MED13L: variants seen among roughly 807,000 people sequenced by gnomAD.
MED13L encodes mediator complex subunit 13L, also known as mediator of RNA polymerase II transcription subunit 13-like.
A neutral mutation model predicts 220.9 loss-of-function variants in MED13L; 7 were observed. The observed-to-expected ratio is 0.03, with a 90% CI of 0.02 to 0.06. The LOEUF (loss-of-function observed/expected upper bound fraction) is 0.06. Ranked by LOEUF, MED13L falls within the 10% of genes least tolerant of loss-of-function variation. The pLI, the probability that MED13L is intolerant of heterozygous loss-of-function variation, is 1.00. For missense variants in MED13L, 1,965 were observed against 2,760.5 expected, an observed-to-expected ratio of 0.71 and a Z score of 6.46; for synonymous variants, 1,011 against 1,015.2, an observed-to-expected ratio of 1.00 and a Z score of 0.08.
chr12:116,213,757 A>AT (rs1291092789), intron 2 of MED13L, among the ~76,000 whole-genome samples: 1 of 152,172 alleles, frequency 6.6e-6, no homozygotes, highest in East Asian at 1.9e-4. Flanking sequence ...ATTATCCCAA[A>AT]TTCCTATCTG....
intron 1 of MED13L, among the ~76,000 whole-genome samples, chr12:116,249,585 A>G (rs1175307668): frequency 6.6e-6 from 1 of 152,120 alleles, no homozygotes; most frequent in African/African-American, 2.4e-5. Flanking sequence ...AGCAGCTATT[A>G]TAAATATGGT....
At chr12:116,184,228 T>C (rs958629845) in intron 2 of MED13L, among the ~76,000 whole-genome samples, 6 of 152,220 alleles carry the variant, frequency 3.9e-5, no homozygotes, top group African/African-American at 1.4e-4. Flanking sequence ...CCTTAAACTT[T>C]AGGATAGTTA....
chr12:116,040,584 T>C (rs1881463854), intron 4 of MED13L, among the ~76,000 whole-genome samples: 1 of 152,016 alleles, frequency 6.6e-6, no homozygotes, highest in Non-Finnish European at 1.5e-5. Context: ...AATAAAAGAT[T>C]CCATCAGATC....
At chr12:116,186,823 T>C (rs569494713) in intron 2 of MED13L, among the ~76,000 whole-genome samples, 1 of 152,346 alleles carries the variant, frequency 6.6e-6, no homozygotes, top group Non-Finnish European at 1.5e-5. Context: ...TAATTTCCTC[T>C]AGTTCTAAAA....
At chr12:116,256,149 G>C (rs780746355) in intron 1 of MED13L, among the ~76,000 whole-genome samples, 2 of 151,884 alleles carry the variant, frequency 1.3e-5, no homozygotes, top group Non-Finnish European at 2.9e-5. Context: ...TTTATTTTTT[G>C]CAAGTTTGGC....
At chr12:116,068,958 A>C (rs1253605802) in intron 4 of MED13L, among the ~76,000 whole-genome samples, 1 of 152,120 alleles carries the variant, frequency 6.6e-6, no homozygotes, top group African/African-American at 2.4e-5. Flanking sequence ...CGTAGTCAAG[A>C]GAATGCAGCA....
intron 3 of MED13L, among the ~76,000 whole-genome samples, chr12:116,110,637 A>G (rs1009674737): frequency 1.3e-5 from 2 of 152,226 alleles, no homozygotes; most frequent in Non-Finnish European, 2.9e-5. Context: ...ATTGACAAAG[A>G]TAACAGTTAA....
intron 2 of MED13L, among the ~76,000 whole-genome samples, chr12:116,123,567 C>T (rs975909064): frequency 1.1e-4 from 17 of 152,248 alleles, no homozygotes; most frequent in South Asian, 2.1e-4. Context: ...AAAAAACACA[C>T]GCACATGCAC....
chr12:116,153,191 G>C (rs1359625390), intron 2 of MED13L, among the ~76,000 whole-genome samples: 2 of 152,168 alleles, frequency 1.3e-5, no homozygotes, highest in Non-Finnish European at 2.9e-5. Context: ...CCACATTAGT[G>C]CTGGAAGGTG....
chr12:115,997,022 G>A lies in MED13L; in HGVS notation c.2778C>T (p.Pro926=), dbSNP rs144357346. ...EVEDGLGSPK[P]EEIKDFSYVH... ...TATTGACAACTACCTTAATTTCCTCGGGCTTGGGACTTCCTAATCCATCTT... is the reference window on the plus strand; with the variant it reads ...TATTGACAACTACCTTAATTTCCTCAGGCTTGGGACTTCCTAATCCATCTT... Residue 926 remains proline (P), a synonymous_variant, in exon 15 of 31, where the codon CCC becomes CCT. Transcript: ENST00000281928. 6.3e-5 allele frequency: 101 copies of A among 1,613,450 alleles called. No homozygotes were observed. The highest frequency in any genetic ancestry group is 1.8e-4 in the South Asian group (16 of 91,068).
At chr12:116,145,597 G>C (rs1877421495) in intron 2 of MED13L, among the ~76,000 whole-genome samples, 1 of 152,070 alleles carries the variant, frequency 6.6e-6, no homozygotes, top group Non-Finnish European at 1.5e-5. Flanking sequence ...CTGGGTGCAA[G>C]TGATCCTCCC....
intron 15 of MED13L, 88 bp from the exon 16 acceptor site, chr12:115,996,769 C>T (rs1206819107): frequency 4.1e-6 from 5 of 1,221,766 alleles, no homozygotes; most frequent in South Asian, 3.8e-5. Context: ...AAAACAGCAA[C>T]CAAAATGATC....
chr12:116,092,600 A>G (rs1256424550), intron 4 of MED13L, among the ~76,000 whole-genome samples: 2 of 152,260 alleles, frequency 1.3e-5, no homozygotes, highest in Admixed American at 6.5e-5. Context: ...ATTGTTACAC[A>G]AAATACACGC....
chr12:116,144,932 T>C (rs1877355791), intron 2 of MED13L, among the ~76,000 whole-genome samples: 1 of 152,218 alleles, frequency 6.6e-6, no homozygotes, highest in African/African-American at 2.4e-5. Context: ...TGTCCCATGG[T>C]TGCTCCACTT....
rs77430366 is a variant in MED13L, at chr12:116,171,193, C to T, written c.311-59681G>A. 2.9e-4 allele frequency among the ~76,000 whole-genome samples: 44 copies of T among 152,358 alleles called. No homozygotes were observed. The East Asian group carries it at 7.1e-3, about 25-fold the overall frequency. On this transcript the variant is annotated intron_variant, in intron 2 of 30. Transcript: ENST00000281928. ...ACTCCCTTGATGGTTGCAGACCATACTTTGAAAACTGCTGGCCTAACGTTT... is the reference window on the plus strand; with the variant it reads ...ACTCCCTTGATGGTTGCAGACCATATTTTGAAAACTGCTGGCCTAACGTTT...
chr12:116,063,043 G>A (rs1329987007), intron 4 of MED13L, among the ~76,000 whole-genome samples: 1 of 151,878 alleles, frequency 6.6e-6, no homozygotes, highest in African/African-American at 2.4e-5. Context: ...GAGGCTCAAC[G>A]CAGCCCAAAA....
intron 2 of MED13L, among the ~76,000 whole-genome samples, chr12:116,206,028 T>C (rs1233586199): frequency 6.6e-6 from 1 of 151,430 alleles, no homozygotes; most frequent in Non-Finnish European, 1.5e-5. Flanking sequence ...TACCAAACTT[T>C]TGGGAATTAA....
At chr12:116,097,356 G>A (rs1414576501) in intron 3 of MED13L, among the ~76,000 whole-genome samples, 1 of 152,150 alleles carries the variant, frequency 6.6e-6, no homozygotes, top group African/African-American at 2.4e-5. Context: ...ATGTTGGCCA[G>A]GCTGATCTCG....
chr12:116,104,246 G>A (rs1284402964), intron 3 of MED13L, among the ~76,000 whole-genome samples: 1 of 151,904 alleles, frequency 6.6e-6, no homozygotes, highest in Non-Finnish European at 1.5e-5. Flanking sequence ...CTGACCTCAG[G>A]TGATCCACCT....
Sources: gnomAD v4.1 joint callset for allele counts (sites outside exome capture counted in the v4.1 genomes callset) on GRCh38, gnomAD v4.1.1 for gene constraint, MANE v1.5 for transcripts, NCBI Gene and HGNC (gene_info 2026-07-23, HGNC 2026-07-21) for gene names.